The following KANSL1 variants were observed in gnomAD, a reference collection of about 807,000 sequenced individuals.
KANSL1 encodes the protein KAT8 regulatory NSL complex subunit 1.
KANSL1 carries 22 observed loss-of-function variants against 103.6 expected under a neutral mutation model. The ratio of observed to expected loss-of-function variants is 0.21; its 90% CI spans 0.15 to 0.30. The LOEUF is 0.30. Among genes scored for constraint, KANSL1 ranks in the 10% least tolerant of loss-of-function variants. The pLI is 1.00. For missense variants in KANSL1, 1,337 were observed against 1,399.8 expected (o/e 0.96, Z 0.72); for synonymous variants, 600 against 527.6 (o/e 1.14, Z -1.88).
chr17:46,042,529 C>T (rs1462074187), intron 7 of KANSL1: 2 of 152,156 alleles, frequency 1.3e-5, no homozygotes, highest in African/African-American at 2.4e-5. Flanking sequence ...CCCTAAAGCC[C>T]ATACTCTTAG....
rs371749720 is a variant in KANSL1, at chr17:46,081,892, T to C, written c.1533+549A>G. The stretch of plus-strand genomic sequence containing the variant: ...AAAGTAAAAAAGTGAAAAGAACAAG[T>C]GCTCTTGGAATTCAGAAAGAAAATT... On this transcript the variant is annotated intron_variant, in intron 4 of 14. Transcript: ENST00000432791. Among the ~76,000 whole-genome samples the C allele has an allele frequency of 8.5e-5, 13 of 152,260 alleles. No individual in the cohort carries two copies. The East Asian group carries it at 2.5e-3, about 29-fold the overall frequency.
At chr17:46,195,363 T>C (rs1346016844), upstream of KANSL1, among the ~76,000 whole-genome samples, 1 of 152,258 alleles carries the variant, frequency 6.6e-6, no homozygotes, top group Non-Finnish European at 1.5e-5. Flanking sequence ...ATATGAAATA[T>C]ATTTTTCTAA....
At chr17:46,051,167 CCTCTT>C (rs1433354991) in intron 6 of KANSL1, among the ~76,000 whole-genome samples, 2 of 152,190 alleles carry the variant, frequency 1.3e-5, no homozygotes, top group Non-Finnish European at 2.9e-5. Context: ...ACCAACCACA[CCTCTT>C]CTCTTCTTTT....
In KANSL1 at chr17:46,030,462, G is replaced by A. The variant is rs2076977588; in HGVS notation, c.*1014C>T. ...AAGGTTAACAGAGAAGGGTGAAGGG[G>A]GAACAATGGGAACCACAGCTAGGAC... On this transcript the variant is annotated 3_prime_UTR_variant, in exon 15 of 15. Transcript: ENST00000432791. 1 of 152,062 alleles carries A rather than the reference G, an allele frequency of 6.6e-6. No individual in the cohort carries two copies. The highest frequency in any genetic ancestry group is 2.1e-4 in the South Asian group (1 of 4,824). 9.4% of individuals were successfully genotyped at this position (152,062 alleles called of 1,614,324 possible).
At chr17:46,205,456 C>T (rs368343983) in intron 1 of KANSL1, among the ~76,000 whole-genome samples, 174 of 150,794 alleles carry the variant, frequency 1.2e-3, no homozygotes, top group East Asian at 3.8e-3. Context: ...CCGAGGCAGG[C>T]GGATCACTTG....
chr17:46,080,312 TAAA>T (rs35520207), intron 4 of KANSL1, among the ~76,000 whole-genome samples: 36 of 77,774 alleles, frequency 4.6e-4, no homozygotes, highest in African/African-American at 1.4e-3. Flanking sequence ...GAGCCTGTCT[TAAA>T]AAAAAAAAAA....
chr17:46,218,387 A>G (rs927365868), intron 1 of KANSL1, among the ~76,000 whole-genome samples: 2 of 152,252 alleles, frequency 1.3e-5, no homozygotes, highest in African/African-American at 4.8e-5. Context: ...CCCTTTTTAC[A>G]GTGTGGACAC....
At chr17:46,090,989 G>A (rs1465856465) in intron 3 of KANSL1, among the ~76,000 whole-genome samples, 2 of 152,176 alleles carry the variant, frequency 1.3e-5, no homozygotes, top group Non-Finnish European at 2.9e-5. Context: ...TTATTTTAGA[G>A]AGTACTTCTA....
chr17:46,038,700 C>T lies in KANSL1; in HGVS notation c.2393-14G>A, dbSNP rs776867963. 1.9e-6 allele frequency: 3 copies of T among 1,613,902 alleles called. No individual in the cohort carries two copies. The highest frequency in any genetic ancestry group is 2.5e-6 in the Non-Finnish European group (3 of 1,179,950). On this transcript the variant is annotated splice_polypyrimidine_tract_variant and intron_variant, in intron 9 of 14. Coordinates refer to ENST00000432791, the MANE Select transcript of KANSL1 (RefSeq NM_015443.4). The stretch of plus-strand genomic sequence containing the variant: ...GATGCTTCAACACTGCAGAAGTCAA[C>T]AGAAAAGAGAGAAATACATGGCTAT...
intron 2 of KANSL1, among the ~76,000 whole-genome samples, chr17:46,135,439 CGA>C (rs2044081431): frequency 6.6e-6 from 1 of 151,972 alleles, no homozygotes; most frequent in South Asian, 2.1e-4. Context: ...CCCAGATTAA[CGA>C]GAGATACAAC....
At chr17:46,090,724 C>G (rs2079350549) in intron 3 of KANSL1, among the ~76,000 whole-genome samples, 1 of 152,228 alleles carries the variant, frequency 6.6e-6, no homozygotes, top group South Asian at 2.1e-4. Flanking sequence ...TGGTCAATGA[C>G]AGACCACATA....
At chr17:46,168,068 G>A (rs2046094103) in intron 2 of KANSL1, among the ~76,000 whole-genome samples, 1 of 152,162 alleles carries the variant, frequency 6.6e-6, no homozygotes, top group Admixed American at 6.5e-5. Flanking sequence ...GAAGGGTGGG[G>A]GGAGCCAAAA....
Position 46,106,485 on chromosome 17 carries a change from C to T in KANSL1, c.1290-11784G>A, listed in dbSNP as rs993699456. 2.6e-5 allele frequency among the ~76,000 whole-genome samples: 4 copies of T among 152,214 alleles called. No individual in the cohort carries two copies. In the South Asian group the frequency reaches 6.2e-4, roughly 24 times the overall value. On this transcript the variant is annotated intron_variant, in intron 2 of 14. Transcript: ENST00000432791. Reference sequence around the variant, plus strand: ...TCGGCTCACTGCAACCTCTGCCTCACGGGTTCAAGCAATTCTCCTGCCTCA... The same window carrying T: ...TCGGCTCACTGCAACCTCTGCCTCATGGGTTCAAGCAATTCTCCTGCCTCA...
chr17:46,103,968 C>A (rs556917499), intron 2 of KANSL1, among the ~76,000 whole-genome samples: 13 of 152,302 alleles, frequency 8.5e-5, no homozygotes, highest in African/African-American at 2.9e-4. Flanking sequence ...GCAGAGGTTG[C>A]AGTGAGCCAA....
At chr17:46,149,243 C>T (rs1444493972) in intron 2 of KANSL1, among the ~76,000 whole-genome samples, 15 of 151,998 alleles carry the variant, frequency 9.9e-5, no homozygotes, top group Non-Finnish European at 2.1e-4. Flanking sequence ...CCTTGTGATC[C>T]GCCCGTCTCG....
chr17:46,105,906 G>GAGACACACACACAC lies in KANSL1; in HGVS notation c.1290-11206_1290-11205insGTGTGTGTGTGTCT, dbSNP rs778730504. Among the ~76,000 whole-genome samples the GAGACACACACACAC allele has an allele frequency of 2.3e-3, 215 of 95,122 alleles. 3 individuals carry two copies. Among genetic ancestry groups the GAGACACACACACAC allele is most frequent in the African/African-American group, 9.4e-3 (207 of 21,926 alleles). The allele number at this position is 95,122 out of a possible 152,430, so 62.4% of individuals were successfully genotyped here. ...ACACACACACACAGAGCAAGGCCTTGACACACACACACACACACACACACA... is the reference window on the plus strand; with the variant it reads ...ACACACACACACAGAGCAAGGCCTTGAGACACACACACACACACACACACACACACACACACACA... On this transcript the variant is annotated intron_variant, in intron 2 of 14. Transcript: ENST00000432791.
intron 4 of KANSL1, among the ~76,000 whole-genome samples, chr17:46,069,951 T>C (rs2078516721): frequency 6.6e-6 from 1 of 152,030 alleles, no homozygotes; most frequent in African/African-American, 2.4e-5. Context: ...CACAAACATC[T>C]TGAACAATTG....
chr17:46,139,735 T>G (rs2044326853), intron 2 of KANSL1, among the ~76,000 whole-genome samples: 1 of 152,214 alleles, frequency 6.6e-6, no homozygotes, highest in African/African-American at 2.4e-5. Flanking sequence ...ACTAACTGAT[T>G]GTTAGTTTCC....
chr17:46,059,647 A>AAAAAAGAG, intron 6 of KANSL1, among the ~76,000 whole-genome samples: 1 of 54,828 alleles, frequency 1.8e-5, no homozygotes, highest in Non-Finnish European at 3.3e-5. Flanking sequence ...AAAAAAAAAA[A>AAAAAAGAG]AGAGAGAGAG....
Sources: gnomAD v4.1 joint callset for allele counts (sites outside exome capture counted in the v4.1 genomes callset) on GRCh38, gnomAD v4.1.1 for gene constraint, MANE v1.5 for transcripts, NCBI Gene and HGNC (gene_info 2026-07-23, HGNC 2026-07-21) for gene names.